DLGAP2: variants seen among roughly 807,000 people sequenced by gnomAD.
DLGAP2 encodes the protein disks large-associated protein 2.
Under a neutral mutation model 100.3 loss-of-function variants are expected in DLGAP2, and 26 were observed. The ratio of observed to expected loss-of-function variants is 0.26; its 90% CI spans 0.19 to 0.36. The LOEUF (loss-of-function observed/expected upper bound fraction) is 0.36. DLGAP2 is among the 10% of genes least tolerant of loss of function. The pLI is 1.00. For synonymous variants in DLGAP2, 886 were observed against 630.1 expected (o/e 1.41, Z -6.08); for missense variants, 1,858 against 1,453.2 (o/e 1.28, Z -4.53).
At chr8:1,219,163 T>G (rs1231915160) in intron 2 of DLGAP2, among the ~76,000 whole-genome samples, 1 of 152,182 alleles carries the variant, frequency 6.6e-6, no homozygotes, top group Admixed American at 6.5e-5. Context: ...CTATGTTGAA[T>G]AGAAGTAGTG....
At chr8:1,320,678 G>C (rs73170454) in intron 3 of DLGAP2, among the ~76,000 whole-genome samples, 2,949 of 152,244 alleles carry the variant, frequency 0.019, 47 homozygotes, top group Non-Finnish European at 0.032. Context: ...ACCTCTCTTA[G>C]CTTTGAACCA....
intron 3 of DLGAP2, among the ~76,000 whole-genome samples, chr8:1,350,888 C>A (rs149312908): frequency 5.4e-5 from 1 of 18,442 alleles, no homozygotes; most frequent in Non-Finnish European, 1.2e-4. Flanking sequence ...CGGGTCCTGA[C>A]TGTGCGTGGA....
intron 1 of DLGAP2, among the ~76,000 whole-genome samples, chr8:795,668 G>GAGAGCAGGCA (rs1796012229): frequency 7.6e-6 from 1 of 132,236 alleles, no homozygotes; most frequent in Non-Finnish European, 1.7e-5. Flanking sequence ...GAGAGCAGGT[G>GAGAGCAGGCA]TCCAGTGAGA....
intron 2 of DLGAP2, among the ~76,000 whole-genome samples, chr8:1,139,118 G>A (rs879313414): frequency 1.3e-4 from 20 of 152,346 alleles, no homozygotes; most frequent in African/African-American, 4.3e-4. Flanking sequence ...TTTCCTGAGC[G>A]CCTGCTGCCG....
intron 2 of DLGAP2, among the ~76,000 whole-genome samples, chr8:1,184,257 A>T (rs1271139271): frequency 1.3e-5 from 2 of 152,254 alleles, no homozygotes; most frequent in African/African-American, 2.4e-5. Flanking sequence ...CTAAAATATG[A>T]AGCATTTGTG....
chr8:1,321,457 G>C (rs568412695), intron 3 of DLGAP2, among the ~76,000 whole-genome samples: 2 of 152,182 alleles, frequency 1.3e-5, no homozygotes, highest in East Asian at 3.9e-4. Flanking sequence ...GCATGTGTGC[G>C]TGCATCCGCA....
intron 2 of DLGAP2, among the ~76,000 whole-genome samples, chr8:956,553 G>C (rs1799601743): frequency 6.6e-6 from 1 of 152,202 alleles, no homozygotes; most frequent in Non-Finnish European, 1.5e-5. Context: ...TGAAGGACCA[G>C]GGCAGGAGGG....
intron 1 of DLGAP2, among the ~76,000 whole-genome samples, chr8:896,638 C>T (rs1584871498): frequency 6.6e-6 from 1 of 152,028 alleles, no homozygotes; most frequent in African/African-American, 2.4e-5. Context: ...GGTATTCGTG[C>T]CCTTGTAGGA....
intron 2 of DLGAP2, among the ~76,000 whole-genome samples, chr8:1,244,495 G>A (rs1013163173): frequency 5.9e-5 from 9 of 152,214 alleles, no homozygotes; most frequent in Non-Finnish European, 1.0e-4. Flanking sequence ...TCCCGATGGA[G>A]GGCTTGAGGC....
intron 2 of DLGAP2, among the ~76,000 whole-genome samples, chr8:1,216,990 C>T (rs1190112578): frequency 6.6e-6 from 1 of 152,132 alleles, no homozygotes; most frequent in African/African-American, 2.4e-5. Context: ...GTTTGGGGTG[C>T]ATGGACAGGT....
At chr8:1,416,179 C>G (rs1434136465) in intron 3 of DLGAP2, among the ~76,000 whole-genome samples, 1 of 152,168 alleles carries the variant, frequency 6.6e-6, no homozygotes, top group African/African-American at 2.4e-5. Context: ...CCCATCCTGT[C>G]CCCAGACGAT....
intron 6 of DLGAP2, among the ~76,000 whole-genome samples, chr8:1,615,195 C>T (rs1797110950): frequency 6.6e-6 from 1 of 152,178 alleles, no homozygotes; most frequent in Non-Finnish European, 1.5e-5. Context: ...TGCTGACCAC[C>T]GATGGTGAAG....
chr8:1,469,560 C>T (rs534678796), intron 3 of DLGAP2, among the ~76,000 whole-genome samples: 3 of 152,338 alleles, frequency 2.0e-5, no homozygotes, highest in African/African-American at 7.2e-5. Flanking sequence ...CGCTGCCTTA[C>T]TGAGCTTCCT....
At position 1,707,152 on chromosome 8, in the gene DLGAP2, T is replaced by C. The variant is rs1429487814; in HGVS notation, c.*5746T>C. On this transcript the variant is annotated 3_prime_UTR_variant, in exon 15 of 15. Transcript: ENST00000637795. ...CCTCCCTACTTTCTTAGATTTTATG[T>C]AACTCTTTTCATTGGTGCTTATTCA... is the stretch of plus-strand genomic sequence containing the variant. The C allele has an allele frequency of 1.3e-5, 2 of 152,682 alleles. No homozygotes were observed. Among genetic ancestry groups the C allele is most frequent in the East Asian group, 1.9e-4 (1 of 5,194 alleles). The allele number at this position is 152,682 out of a possible 1,614,324, so 9.5% of individuals were successfully genotyped here. A position where few individuals can be genotyped will look rare whatever the true frequency, so the allele number is the denominator to read the frequency against.
At chr8:999,022 C>T (rs1563135902) in intron 2 of DLGAP2, among the ~76,000 whole-genome samples, 3 of 152,174 alleles carry the variant, frequency 2.0e-5, no homozygotes. Context: ...TTGCTGCCTC[C>T]AGATGAACCA....
intron 7 of DLGAP2, among the ~76,000 whole-genome samples, chr8:1,632,087 G>T (rs1797661431): frequency 1.3e-5 from 2 of 151,594 alleles, no homozygotes; most frequent in African/African-American, 4.9e-5. Flanking sequence ...GAGAAAGAGA[G>T]ACAGGGGAGG....
rs199500703 is a variant in DLGAP2 at position 1,464,892 on chromosome 8, C to CA, written c.107-36465dup. On this transcript the variant is annotated intron_variant, in intron 3 of 14. Transcript: ENST00000637795. ...GAGGAGGACATAGAATCACTCTTCA[C>CA]AAAAAAAAAGTAGTATCTGAGTAGA... Among the ~76,000 whole-genome samples the CA allele has an allele frequency of 7.3e-5, 11 of 150,742 alleles. 1 individual carries two copies. Among genetic ancestry groups the CA allele is most frequent in the South Asian group, 4.2e-4 (2 of 4,724 alleles).
intron 4 of DLGAP2, among the ~76,000 whole-genome samples, chr8:1,504,142 C>G (rs1157369661): frequency 2.0e-5 from 3 of 151,346 alleles, no homozygotes; most frequent in Non-Finnish European, 4.4e-5. Context: ...GCCCAGGCCC[C>G]ACCTGATGTA....
chr8:1,466,934 AAGAG>A (rs2130180948), intron 3 of DLGAP2, among the ~76,000 whole-genome samples: 1 of 152,306 alleles, frequency 6.6e-6, no homozygotes, highest in East Asian at 1.9e-4. Context: ...ATTAGTTTAA[AAGAG>A]AGCTAGTTAT....
Sources: allele counts gnomAD v4.1 joint callset (sites outside exome capture counted in the v4.1 genomes callset), GRCh38; gene constraint gnomAD v4.1.1; transcripts MANE v1.5; gene names NCBI Gene and HGNC (gene_info 2026-07-23, HGNC 2026-07-21).